Variants in VTA1 observed in about 807,000 individuals in gnomAD.
VTA1 encodes the protein vesicle trafficking 1.
Under a neutral mutation model 36.9 loss-of-function variants are expected in VTA1, and 24 were observed. The ratio of observed to expected loss-of-function variants is 0.65; its 90% confidence interval spans 0.47 to 0.91. The LOEUF (loss-of-function observed/expected upper bound fraction) is 0.91. Among genes scored for constraint, VTA1 ranks in the 40% least tolerant of loss-of-function variants. VTA1 has a pLI of 0.00. For missense variants in VTA1, 393 were observed against 377.2 expected, an observed-to-expected ratio of 1.04 and a Z score of -0.35; for synonymous variants, 142 against 130.2, an observed-to-expected ratio of 1.09 and a Z score of -0.62.
At position 142,170,440 on chromosome 6, in the gene VTA1, T is replaced by A. The variant is rs756558897; in HGVS notation, c.411+19T>A. On this transcript the variant is annotated intron_variant, in intron 4 of 7. Coordinates refer to ENST00000367630, the MANE Select transcript of VTA1 (RefSeq NM_016485.5). Reference sequence around the variant, plus strand: ...TGATGAAGTGAGTGTACATTCTTTATTGTCTTATTAGCTGAAGATCAGTAA... The same window carrying A: ...TGATGAAGTGAGTGTACATTCTTTAATGTCTTATTAGCTGAAGATCAGTAA... The A allele has an allele frequency of 6.9e-5, 104 of 1,509,606 alleles. No individual in the cohort carries two copies. The Middle Eastern group carries it at 7.1e-4, about 10-fold the overall frequency. 93.5% of individuals were successfully genotyped at this position (1,509,606 alleles called of 1,614,324 possible). A position where few individuals can be genotyped will look rare whatever the true frequency, so the allele number is the denominator to read the frequency against.
chr6:142,216,039 G>A (rs1267919312), intron 7 of VTA1, among the ~76,000 whole-genome samples: 3 of 151,940 alleles, frequency 2.0e-5, no homozygotes, highest in Non-Finnish European at 4.4e-5. Flanking sequence ...AGATATATTA[G>A]ACAACCCCTC....
At chr6:142,170,239 C>T in intron 3 of VTA1, 107 bp from the exon 4 acceptor site, 1 of 745,984 alleles carries the variant, frequency 1.3e-6, no homozygotes, top group East Asian at 2.7e-5. Flanking sequence ...ACATGAATTT[C>T]AGAGTGCTTT....
At chr6:142,179,050 G>A (rs1029378545) in intron 4 of VTA1, among the ~76,000 whole-genome samples, 2 of 151,940 alleles carry the variant, frequency 1.3e-5, no homozygotes, top group African/African-American at 2.4e-5. Flanking sequence ...AGTTACAAAT[G>A]TCTGTGCACC....
At chr6:142,200,951 A>G (rs1775672570) in intron 6 of VTA1, among the ~76,000 whole-genome samples, 1 of 151,976 alleles carries the variant, frequency 6.6e-6, no homozygotes, top group South Asian at 2.1e-4. Context: ...TTTAACTTAC[A>G]AACTCTCAAG....
intron 1 of VTA1, among the ~76,000 whole-genome samples, chr6:142,150,967 A>G (rs1408996626): frequency 6.6e-6 from 1 of 150,976 alleles, no homozygotes; most frequent in Non-Finnish European, 1.5e-5. Flanking sequence ...TTCTAATTTG[A>G]GGGGAAGGAG....
intron 5 of VTA1, among the ~76,000 whole-genome samples, chr6:142,193,261 C>G (rs997137470): frequency 1.3e-5 from 2 of 152,050 alleles, no homozygotes; most frequent in African/African-American, 2.4e-5. Context: ...AAAGTTGTGT[C>G]CTCCCTGCCT....
At chr6:142,159,033 A>G (rs1014547867) in intron 1 of VTA1, among the ~76,000 whole-genome samples, 21 of 152,316 alleles carry the variant, frequency 1.4e-4, no homozygotes, top group African/African-American at 5.1e-4. Context: ...CGACATAAAT[A>G]TCATTTTCAG....
At position 142,187,685 on chromosome 6, in the gene VTA1, A is replaced by T. The variant is rs1775365196; in HGVS notation, c.412-1741A>T. Among the ~76,000 whole-genome samples, 3 of 152,300 alleles carry T rather than the reference A, an allele frequency of 2.0e-5. No homozygotes were observed. In the South Asian group the frequency reaches 6.2e-4, roughly 32 times the overall value. ...TCATACCTGGAAGAAAATCAGAATCAATGTATAGATTTTTAAATTGAATAT... is the reference window on the plus strand; with the variant it reads ...TCATACCTGGAAGAAAATCAGAATCTATGTATAGATTTTTAAATTGAATAT... On this transcript the variant is annotated intron_variant, in intron 4 of 7. Coordinates refer to ENST00000367630, the MANE Select transcript of VTA1 (RefSeq NM_016485.5).
At chr6:142,215,645 C>T (rs1370920880) in intron 7 of VTA1, among the ~76,000 whole-genome samples, 2 of 151,968 alleles carry the variant, frequency 1.3e-5, no homozygotes, top group African/African-American at 4.8e-5. Flanking sequence ...TAGAGTATAC[C>T]AGAATGAGAT....
rs1483955862 is a variant in VTA1, at chr6:142,204,189, T to A, written c.778+124T>A. The A allele has an allele frequency of 5.9e-6, 5 of 847,722 alleles. No homozygotes were observed. In the African/African-American group the frequency reaches 6.8e-5, roughly 12 times the overall value. The allele number at this position is 847,722 out of a possible 1,614,324, so 52.5% of individuals were successfully genotyped here. On this transcript the variant is annotated intron_variant, in intron 7 of 7. Transcript: ENST00000367630. ...ACTGAAATTTGAATTTCTAGGTAATTTGAAATAAATTTCCTTGAATGCTTA... is the reference window on the plus strand; with the variant it reads ...ACTGAAATTTGAATTTCTAGGTAATATGAAATAAATTTCCTTGAATGCTTA...
chr6:142,213,954 A>G lies in VTA1; in HGVS notation c.779-4544A>G, dbSNP rs1016485008. 4.0e-5 allele frequency among the ~76,000 whole-genome samples: 6 copies of G among 151,862 alleles called. 1 individual carries two copies. Among genetic ancestry groups the G allele is most frequent in the Non-Finnish European group, 8.8e-5 (6 of 68,014 alleles). ...GTGAACATTCAACTCCTCTTTACTT[A>G]TGCACATTTGGGTGATAGACTTGAA... On this transcript the variant is annotated intron_variant, in intron 7 of 7. Coordinates refer to ENST00000367630, the MANE Select transcript of VTA1 (RefSeq NM_016485.5).
intron 2 of VTA1, among the ~76,000 whole-genome samples, chr6:142,168,639 AT>A (rs1320931967): frequency 1.1e-4 from 16 of 151,462 alleles, no homozygotes; most frequent in Admixed American, 9.2e-4. Context: ...TATTTGTCTA[AT>A]TTTTAAAAGC....
At chr6:142,165,105 G>A (rs972078108) in intron 1 of VTA1, among the ~76,000 whole-genome samples, 1 of 152,180 alleles carries the variant, frequency 6.6e-6, no homozygotes, top group Non-Finnish European at 1.5e-5. Context: ...AATTCATAAA[G>A]GAGAATATGG....
At chr6:142,187,136 C>T (rs1582892063) in intron 4 of VTA1, among the ~76,000 whole-genome samples, 1 of 152,196 alleles carries the variant, frequency 6.6e-6, no homozygotes, top group South Asian at 2.1e-4. Context: ...ATTTAAAATT[C>T]TATATGAGTT....
chr6:142,195,363 C>G (rs79381356), intron 5 of VTA1, among the ~76,000 whole-genome samples: 4 of 151,830 alleles, frequency 2.6e-5, no homozygotes, highest in Non-Finnish European at 5.9e-5. Context: ...CATTTATTGG[C>G]GTAATATTTT....
intron 1 of VTA1, among the ~76,000 whole-genome samples, chr6:142,158,216 C>A (rs1047446504): frequency 6.6e-6 from 1 of 152,090 alleles, no homozygotes; most frequent in Non-Finnish European, 1.5e-5. Context: ...AAACAAATTA[C>A]ATGTTGCAAT....
chr6:142,198,115 A>G (rs1451573570), intron 5 of VTA1, among the ~76,000 whole-genome samples: 1,349 of 76,276 alleles, frequency 0.018, 33 homozygotes, highest in African/African-American at 0.051. Context: ...ATATATATAT[A>G]TATATGTGTG....
At chr6:142,188,778 G>A (rs1026890018) in intron 4 of VTA1, among the ~76,000 whole-genome samples, 2 of 152,102 alleles carry the variant, frequency 1.3e-5, no homozygotes, top group African/African-American at 4.8e-5. Context: ...CTTACATCCT[G>A]TAACATTAGC....
intron 4 of VTA1, among the ~76,000 whole-genome samples, chr6:142,181,300 A>T (rs952613877): frequency 4.1e-5 from 6 of 147,232 alleles, no homozygotes; most frequent in African/African-American, 1.5e-4. Flanking sequence ...TGCCCAGCTA[A>T]TTTTTTGTAT....
Sources: gnomAD v4.1 joint callset for allele counts (sites outside exome capture counted in the v4.1 genomes callset) on GRCh38, gnomAD v4.1.1 for gene constraint, MANE v1.5 for transcripts, NCBI Gene and HGNC (gene_info 2026-07-23, HGNC 2026-07-21) for gene names.